Variants in MPDZ observed in about 807,000 individuals in gnomAD.
MPDZ encodes the protein multiple PDZ domain crumbs cell polarity complex component, also known as multiple PDZ domain protein.
In MPDZ, 234 loss-of-function variants were observed where a neutral mutation model predicts 239.1. The observed-to-expected ratio is 0.98, with a 90% confidence interval of 0.88 to 1.09. The LOEUF is 1.09. Ranked by LOEUF, MPDZ falls within the 50% of genes least tolerant of loss-of-function variation. The probability of loss-of-function intolerance (pLI) is 0.00; values close to 1 mark genes in which losing one functional copy is unlikely to be tolerated. For missense variants in MPDZ, 3,175 were observed against 2,510.0 expected, an observed-to-expected ratio of 1.26 and a Z score of -5.66; for synonymous variants, 1,048 against 881.3, an observed-to-expected ratio of 1.19 and a Z score of -3.35.
intron 32 of MPDZ, 81 bp from the exon 33 acceptor site, chr9:13,126,853 C>T: frequency 8.8e-7 from 1 of 1,134,254 alleles, no homozygotes; most frequent in Non-Finnish European, 1.3e-6. Context: ...GTAAGAAAAA[C>T]AACTAAAACT....
At chr9:13,130,164 C>G (rs1238532419) in intron 32 of MPDZ, among the ~76,000 whole-genome samples, 1 of 152,112 alleles carries the variant, frequency 6.6e-6, no homozygotes, top group Admixed American at 6.6e-5. Flanking sequence ...GTTTTCTGAT[C>G]AATTGAATTT....
At chr9:13,146,524 G>A (rs995201506) in intron 26 of MPDZ, among the ~76,000 whole-genome samples, 1 of 151,996 alleles carries the variant, frequency 6.6e-6, no homozygotes, top group Non-Finnish European at 1.5e-5. Context: ...CCTCACATAT[G>A]TTGATATTTT....
intron 7 of MPDZ, among the ~76,000 whole-genome samples, chr9:13,221,132 G>A (rs1412419062): frequency 1.3e-5 from 2 of 151,928 alleles, no homozygotes; most frequent in Admixed American, 6.6e-5. Context: ...TTAGTCTGAG[G>A]TTCAAAAGTG....
chr9:13,215,626 A>T (rs1254372189), intron 10 of MPDZ, among the ~76,000 whole-genome samples: 3 of 151,746 alleles, frequency 2.0e-5, no homozygotes, highest in Non-Finnish European at 2.9e-5. Flanking sequence ...CTAATAAGAT[A>T]AATCAGCATT....
At chr9:13,170,556 T>C (rs1951662182) in intron 21 of MPDZ, among the ~76,000 whole-genome samples, 1 of 152,178 alleles carries the variant, frequency 6.6e-6, no homozygotes, top group African/African-American at 2.4e-5. Flanking sequence ...TTCCCACCAA[T>C]ACCCACAATA....
chr9:13,227,777 G>A (rs929738383), intron 3 of MPDZ, among the ~76,000 whole-genome samples: 2 of 152,132 alleles, frequency 1.3e-5, no homozygotes, highest in African/African-American at 4.8e-5. Flanking sequence ...GAAGGTCAAT[G>A]ACTCCTCCTG....
chr9:13,241,045 G>A (rs1377364349), intron 3 of MPDZ, among the ~76,000 whole-genome samples: 1 of 152,076 alleles, frequency 6.6e-6, no homozygotes, highest in African/African-American at 2.4e-5. Flanking sequence ...CTTGAACAGT[G>A]CCTTCTTGCC....
chr9:13,197,438 C>A (rs182483028), intron 12 of MPDZ, among the ~76,000 whole-genome samples: 2 of 151,888 alleles, frequency 1.3e-5, no homozygotes, highest in African/African-American at 2.4e-5. Flanking sequence ...CTAACACTAT[C>A]GGGTGACTAT....
intron 32 of MPDZ, among the ~76,000 whole-genome samples, chr9:13,130,420 AC>A (rs1467330074): frequency 6.7e-6 from 1 of 148,652 alleles, no homozygotes; most frequent in African/African-American, 2.5e-5. Flanking sequence ...CATGTACGGC[AC>A]ATAACCGTTC....
At chr9:13,201,911 A>G (rs922337392) in intron 12 of MPDZ, among the ~76,000 whole-genome samples, 3 of 152,094 alleles carry the variant, frequency 2.0e-5, no homozygotes, top group Non-Finnish European at 4.4e-5. Flanking sequence ...AACCTCTTTA[A>G]CAGGATTATT....
intron 5 of MPDZ, 119 bp downstream of exon 5, chr9:13,223,452 T>C: frequency 8.2e-7 from 1 of 1,223,402 alleles, no homozygotes; most frequent in Non-Finnish European, 1.1e-6. Flanking sequence ...AACTGGTTAA[T>C]AACAGATTAT....
chr9:13,209,041 T>C (rs959283535), intron 10 of MPDZ, among the ~76,000 whole-genome samples: 1 of 152,110 alleles, frequency 6.6e-6, no homozygotes, highest in African/African-American at 2.4e-5. Flanking sequence ...CATGGCCAGA[T>C]CAAAGGCAGG....
intron 3 of MPDZ, among the ~76,000 whole-genome samples, chr9:13,229,948 CAT>C (rs1240573199): frequency 6.6e-6 from 1 of 151,870 alleles, no homozygotes; most frequent in Non-Finnish European, 1.5e-5. Context: ...ATATATCTGA[CAT>C]ATGACTCATA....
rs1018724847 is a variant in MPDZ, at chr9:13,250,331, G to C, written c.-16C>G. 6.3e-7 allele frequency: 1 copy of C among 1,584,116 alleles called. No homozygotes were observed. The highest frequency in any genetic ancestry group is 1.8e-5 in the Admixed American group (1 of 55,968). ...CTTCCAACATTTTTTTCAAAGTTCA[G>C]TGTTCTTCTCTGAAATGATTAACAG... On this transcript the variant is annotated 5_prime_UTR_variant, in exon 2 of 47. Coordinates refer to ENST00000319217, the MANE Select transcript of MPDZ (RefSeq NM_001378778.1).
intron 35 of MPDZ, among the ~76,000 whole-genome samples, chr9:13,124,483 ATTTT>A (rs373519800): frequency 6.6e-6 from 1 of 151,320 alleles, no homozygotes; most frequent in African/African-American, 2.4e-5. Flanking sequence ...CCAATGCCTT[ATTTT>A]TTTTTGTTTG....
chr9:13,162,614 T>G, intron 23 of MPDZ, 77 bp downstream of exon 23: 1 of 849,550 alleles, frequency 1.2e-6, no homozygotes, highest in Non-Finnish European at 1.8e-6. Context: ...TTTGCTCTAG[T>G]CCTCCCTGAC....
intron 23 of MPDZ, among the ~76,000 whole-genome samples, chr9:13,158,415 C>T (rs1223560777): frequency 6.6e-6 from 1 of 151,992 alleles, no homozygotes; most frequent in African/African-American, 2.4e-5. Flanking sequence ...AGGATAAATA[C>T]CAAGTTTGTA....
At chr9:13,198,735 C>CTGTGTGTGTGTGTGTGTGTGTGTG (rs1243812686) in intron 12 of MPDZ, among the ~76,000 whole-genome samples, 1 of 17,092 alleles carries the variant, frequency 5.9e-5, no homozygotes, top group African/African-American at 7.5e-5. Flanking sequence ...TAATCTCTCT[C>CTGTGTGTGTGTGTGTGTGTGTGTG]TCTGTGTGTG....
rs184757144 is a variant in MPDZ at position 13,176,394 on chromosome 9, A to G, written c.2673T>C (p.Asp891=). The G allele has an allele frequency of 1.8e-4, 283 of 1,578,764 alleles. 1 individual carries two copies. In the African/African-American group the frequency reaches 3.4e-3, roughly 19 times the overall value. Residue 891 remains aspartate (D), a synonymous_variant, in exon 20 of 47, where the codon GAT becomes GAC. Coordinates refer to ENST00000319217, the MANE Select transcript of MPDZ (RefSeq NM_001378778.1). ...PPKDVIENSC[D]PVLDLHMSLE... ...GAGACATATGCAGATCAAGTACTGGATCACAAGAATTTTCAATAACATCCT... is the reference window on the plus strand; with the variant it reads ...GAGACATATGCAGATCAAGTACTGGGTCACAAGAATTTTCAATAACATCCT...
Sources: gnomAD v4.1 joint callset for allele counts (sites outside exome capture counted in the v4.1 genomes callset) on GRCh38, gnomAD v4.1.1 for gene constraint, MANE v1.5 for transcripts, NCBI Gene and HGNC (gene_info 2026-07-23, HGNC 2026-07-21) for gene names.